DGKD: variants seen among roughly 807,000 people sequenced by gnomAD.
DGKD encodes the protein diacylglycerol kinase delta, also known as DAG kinase delta.
A neutral mutation model predicts 154.4 loss-of-function variants in DGKD; 68 were observed. The observed-to-expected ratio is 0.44, with a 90% CI of 0.36 to 0.54. The LOEUF is 0.54. DGKD is among the 20% of genes least tolerant of loss of function. The pLI, the probability that DGKD is intolerant of heterozygous loss-of-function variation, is 0.00. For missense variants in DGKD, 1,343 were observed against 1,593.6 expected (o/e 0.84, Z 2.68); for synonymous variants, 693 against 638.0 (o/e 1.09, Z -1.30).
intron 12 of DGKD, 85 bp from the exon 13 acceptor site, chr2:233,448,002 G>A (rs1484425253): frequency 6.3e-7 from 1 of 1,590,132 alleles, no homozygotes; most frequent in Admixed American, 1.7e-5. Flanking sequence ...GTGCTGGCAA[G>A]GAAGTGGCTG....
chr2:233,432,201 C>T (rs987953585), intron 3 of DGKD, among the ~76,000 whole-genome samples: 2 of 99,282 alleles, frequency 2.0e-5, no homozygotes, highest in African/African-American at 7.1e-5. Context: ...ACCATCCTGG[C>T]TAACACGGTG....
intron 3 of DGKD, among the ~76,000 whole-genome samples, chr2:233,409,272 A>T (rs1489837457): frequency 6.6e-6 from 1 of 152,194 alleles, no homozygotes; most frequent in Non-Finnish European, 1.5e-5. Context: ...GTACTTGTTA[A>T]TTGTCTTTAT....
At chr2:233,460,065 A>G in intron 23 of DGKD, 129 bp from the exon 24 acceptor site, 1 of 1,469,636 alleles carries the variant, frequency 6.8e-7, no homozygotes. Flanking sequence ...CCTTCCCCTA[A>G]TGTTAAAAAA....
intron 10 of DGKD, 185 bp downstream of exon 10, chr2:233,442,180 C>T (rs1182083309): frequency 2.9e-6 from 2 of 701,182 alleles, no homozygotes; most frequent in South Asian, 3.0e-5. Flanking sequence ...CACCCCCTGG[C>T]ATTGTGGAGG....
intron 18 of DGKD, among the ~76,000 whole-genome samples, chr2:233,454,089 G>A (rs868272501): frequency 7.9e-5 from 12 of 152,214 alleles, no homozygotes; most frequent in Middle Eastern, 3.2e-3. Context: ...CAGCTCTGCC[G>A]GAGGTTCAGC....
At position 233,470,815 on chromosome 2, in the gene DGKD, C is replaced by G. The variant is rs1479212996; in HGVS notation, c.*1355C>G. On this transcript the variant is annotated 3_prime_UTR_variant, in exon 30 of 30. Coordinates refer to ENST00000264057, the MANE Select transcript of DGKD (RefSeq NM_152879.3). ...CTGGCCGTGGCTTCTCTTTGGCTCC[C>G]AAAGAGAAGGACAGTGTTGGGAGTA... 2 of 147,296 alleles carry G rather than the reference C, an allele frequency of 1.4e-5. No homozygotes were observed. The highest frequency in any genetic ancestry group is 3.8e-4 in the East Asian group (2 of 5,300). The allele number at this position is 147,296 out of a possible 1,614,324, so 9.1% of individuals were successfully genotyped here.
chr2:233,375,514 G>A (rs1190366149), intron 1 of DGKD, among the ~76,000 whole-genome samples: 2 of 152,122 alleles, frequency 1.3e-5, no homozygotes, highest in African/African-American at 4.8e-5. Context: ...GCACATGCCA[G>A]GGGAGAGGAG....
intron 1 of DGKD, among the ~76,000 whole-genome samples, chr2:233,357,005 CTGAGAATGCAGGCTGCAA>C (rs547982967): frequency 1.1e-3 from 168 of 152,238 alleles, no homozygotes; most frequent in Middle Eastern, 3.4e-3. Context: ...GATGTGAGAA[CTGAGAATGCAGGCTGCAA>C]TGAGGCAAGC....
At chr2:233,448,427 C>A in intron 14 of DGKD, 52 bp downstream of exon 14, 2 of 1,555,534 alleles carry the variant, frequency 1.3e-6, no homozygotes, top group Non-Finnish European at 1.8e-6. Context: ...GAGAAGCTTG[C>A]TCTGTCACCA....
chr2:233,468,800 A>G (rs73997604), intron 29 of DGKD, among the ~76,000 whole-genome samples: 6,299 of 152,286 alleles, frequency 0.041, 316 homozygotes, highest in African/African-American at 0.12. Flanking sequence ...CTACTCAGAC[A>G]AGGACTGTCT....
intron 3 of DGKD, among the ~76,000 whole-genome samples, chr2:233,415,648 A>C (rs1418088484): frequency 6.6e-6 from 1 of 152,216 alleles, no homozygotes; most frequent in Non-Finnish European, 1.5e-5. Flanking sequence ...ATTAGAGATG[A>C]GGTTTCACTC....
chr2:233,464,270 C>T lies in DGKD; in HGVS notation c.3293C>T (p.Pro1098Leu). The change falls in exon 27 of 30, where the codon CCC becomes CTC. Residue 1098 changes from proline to leucine, a missense_variant. Physicochemically the swap from Pro to Leu is moderately conservative, Grantham distance 98. This residue lies in a region of DGKD where 429 missense variants were observed against 496.3 expected (regional missense o/e 0.86). Coordinates refer to ENST00000264057, the MANE Select transcript of DGKD (RefSeq NM_152879.3). ...DTPWLCQSAE[P>L]GDEESVMLDL... ...CCGTGGCTCTGCCAGTCCGCAGAGC[C>T]CGGCGACGAAGAGGTATGTGGCTCA... is the stretch of plus-strand genomic sequence containing the variant. The T allele has an allele frequency of 5.6e-6, 9 of 1,613,594 alleles. No individual in the cohort carries two copies. Among genetic ancestry groups the T allele is most frequent in the Non-Finnish European group, 7.6e-6 (9 of 1,180,010 alleles).
rs1194477746 is a variant in DGKD at position 233,463,409 on chromosome 2, G to A, written c.3186+674G>A. Among the ~76,000 whole-genome samples the A allele has an allele frequency of 6.7e-4, 86 of 129,242 alleles. 1 individual carries two copies. The highest frequency in any genetic ancestry group is 2.1e-3 in the African/African-American group (70 of 32,662). 84.8% of individuals were successfully genotyped at this position (129,242 alleles called of 152,430 possible). On this transcript the variant is annotated intron_variant, in intron 26 of 29. Coordinates refer to ENST00000264057, the MANE Select transcript of DGKD (RefSeq NM_152879.3). ...CACTCCACACATCTCCTCACTCCAC[G>A]CATCTCCTCACTCCACGCATCTCCT...
Position 233,464,140 on chromosome 2 carries a change from TCTCC to T in DGKD, c.3187-15_3187-12del, listed in dbSNP as rs764875940. On this transcript the variant is annotated intron_variant, in intron 26 of 29. Coordinates refer to ENST00000264057, the MANE Select transcript of DGKD (RefSeq NM_152879.3). ...CAGCAGTGCACACTCTCCATTTCTC[TCTCC>T]CTCCCTCCGCCTGGAGCAGCAGCTG... 5 of 1,612,826 alleles carry T rather than the reference TCTCC, an allele frequency of 3.1e-6. No individual in the cohort carries two copies. The South Asian group carries it at 5.5e-5, about 18-fold the overall frequency.
chr2:233,354,513 G>C lies in DGKD; in HGVS notation c.-6G>C. On this transcript the variant is annotated 5_prime_UTR_variant, in exon 1 of 30. Coordinates refer to ENST00000264057, the MANE Select transcript of DGKD (RefSeq NM_152879.3). The surrounding 1 kb of genome is among the most constrained non-coding windows in gnomAD (Gnocchi z 4.8). ...CCGCCCGCGGTGCGCGCGCTGGCCC[G>C]GCAGCATGGCGGCGGCGGCGGGCGC... 1 of 982,932 alleles carries C rather than the reference G, an allele frequency of 1.0e-6. No homozygotes were observed. Among genetic ancestry groups the C allele is most frequent in the Non-Finnish European group, 1.2e-6 (1 of 830,460 alleles). The allele number at this position is 982,932 out of a possible 1,614,324, so 60.9% of individuals were successfully genotyped here.
chr2:233,413,165 A>G (rs569035847), intron 3 of DGKD, among the ~76,000 whole-genome samples: 1 of 152,286 alleles, frequency 6.6e-6, no homozygotes, highest in East Asian at 1.9e-4. Flanking sequence ...TGGGAGGCCG[A>G]AGCAGGTGGA....
At chr2:233,444,576 C>T (rs1446269558) in intron 10 of DGKD, among the ~76,000 whole-genome samples, 3 of 150,480 alleles carry the variant, frequency 2.0e-5, no homozygotes, top group Middle Eastern at 3.2e-3. Flanking sequence ...CTCTCCTTTT[C>T]CTTTAAGGCT....
At chr2:233,364,309 AT>A (rs1350773159) in intron 1 of DGKD, among the ~76,000 whole-genome samples, 7 of 152,246 alleles carry the variant, frequency 4.6e-5, no homozygotes, top group Non-Finnish European at 1.0e-4. Flanking sequence ...TAAAGGAAAC[AT>A]TAAGTGTTTT....
At chr2:233,448,507 G>C (rs1034363838) in intron 14 of DGKD, 132 bp downstream of exon 14, 3 of 752,984 alleles carry the variant, frequency 4.0e-6, no homozygotes, top group Non-Finnish European at 6.5e-6. Flanking sequence ...AAAACGCACA[G>C]TAAAGGAAGA....
Sources: allele counts gnomAD v4.1 joint callset (sites outside exome capture counted in the v4.1 genomes callset), GRCh38; gene constraint gnomAD v4.1.1; regional missense constraint gnomAD v4.1.1; non-coding constraint Gnocchi (gnomAD v3.1); transcripts MANE v1.5; gene names NCBI Gene and HGNC (gene_info 2026-07-23, HGNC 2026-07-21).